Variants in NAALADL2 observed in about 807,000 individuals in gnomAD.
NAALADL2 encodes inactive N-acetylated-alpha-linked acidic dipeptidase-like protein 2.
Under a neutral mutation model 87.2 loss-of-function variants are expected in NAALADL2, and 76 were observed. The ratio of observed to expected loss-of-function variants is 0.87; its 90% CI spans 0.72 to 1.05. The LOEUF is 1.05. Ranked by LOEUF, NAALADL2 falls within the 50% of genes least tolerant of loss-of-function variation. NAALADL2 has a pLI of 0.00. For missense variants in NAALADL2, 1,089 were observed against 945.8 expected (o/e 1.15, Z -1.99); for synonymous variants, 354 against 331.0 (o/e 1.07, Z -0.75).
At chr3:174,733,016 A>C (rs1732848413) in intron 2 of NAALADL2, among the ~76,000 whole-genome samples, 1 of 152,220 alleles carries the variant, frequency 6.6e-6, no homozygotes, top group Admixed American at 6.5e-5. Context: ...TATACCATTT[A>C]AAAGTCTATG....
intron 5 of NAALADL2, among the ~76,000 whole-genome samples, chr3:175,376,960 T>G (rs1233708200): frequency 6.6e-6 from 1 of 152,060 alleles, no homozygotes; most frequent in Non-Finnish European, 1.5e-5. Flanking sequence ...GAGGTTCATT[T>G]GATATTGTTA....
At chr3:175,335,114 C>T (rs977569634) in intron 5 of NAALADL2, among the ~76,000 whole-genome samples, 1 of 152,188 alleles carries the variant, frequency 6.6e-6, no homozygotes, top group Non-Finnish European at 1.5e-5. Context: ...CTGGACAAAA[C>T]CTCACCACGT....
intron 2 of NAALADL2, among the ~76,000 whole-genome samples, chr3:174,609,210 T>C (rs1201058866): frequency 6.6e-6 from 1 of 152,114 alleles, no homozygotes; most frequent in Non-Finnish European, 1.5e-5. Context: ...CAATATCATA[T>C]TGAATGGGCA....
rs1726199434 is a variant in NAALADL2 at position 174,859,454 on chromosome 3, A to G, written c.43+4A>G. 1 of 1,607,946 alleles carries G rather than the reference A, an allele frequency of 6.2e-7. No homozygotes were observed. Among genetic ancestry groups the G allele is most frequent in the African/African-American group, 1.3e-5 (1 of 74,812 alleles). On this transcript the variant is annotated splice_donor_region_variant and intron_variant, in intron 1 of 13. Transcript: ENST00000454872. ...TTACCTAACACGTCTTTGCAAGGTA[A>G]GTACCAACAGCCTATGAACTTTTCA...
At chr3:175,175,449 C>T (rs1735566463) in intron 2 of NAALADL2, among the ~76,000 whole-genome samples, 1 of 151,990 alleles carries the variant, frequency 6.6e-6, no homozygotes, top group African/African-American at 2.4e-5. Context: ...TACATTTTAA[C>T]TACTTTGCTC....
At chr3:175,507,417 G>A (rs2216509) in intron 9 of NAALADL2, among the ~76,000 whole-genome samples, 5 of 151,940 alleles carry the variant, frequency 3.3e-5, no homozygotes, top group Non-Finnish European at 7.4e-5. Context: ...TTGATTATTA[G>A]GCATTATTAA....
rs367717794 is a variant in NAALADL2, at chr3:174,906,697, C to T, written c.43+47247C>T. ...ACCACAGCTTCCAACAATTCCCCAA[C>T]TGCAACTTCATGAGAAACCTTGATC... is the stretch of plus-strand genomic sequence containing the variant. On this transcript the variant is annotated intron_variant, in intron 1 of 13. Transcript: ENST00000454872. 1.5e-3 allele frequency among the ~76,000 whole-genome samples: 227 copies of T among 152,228 alleles called. 2 individuals are homozygous for T. Among genetic ancestry groups the T allele is most frequent in the African/African-American group, 5.2e-3 (215 of 41,526 alleles).
intron 11 of NAALADL2, among the ~76,000 whole-genome samples, chr3:175,693,385 G>A (rs1737298815): frequency 6.6e-6 from 1 of 152,122 alleles, no homozygotes; most frequent in Admixed American, 6.5e-5. Context: ...TACACAAGCT[G>A]GAGTAACCCA....
intron 1 of NAALADL2, among the ~76,000 whole-genome samples, chr3:174,512,427 C>T (rs1296175250): frequency 6.6e-6 from 1 of 152,072 alleles, no homozygotes; most frequent in Non-Finnish European, 1.5e-5. Context: ...TTGGGTGTCT[C>T]TTCATTATAA....
At chr3:174,762,901 AT>A (rs1382121835) in intron 3 of NAALADL2, among the ~76,000 whole-genome samples, 1 of 152,250 alleles carries the variant, frequency 6.6e-6, no homozygotes, top group African/African-American at 2.4e-5. Context: ...CTTCTTAATA[AT>A]TGAAATGTAT....
intron 5 of NAALADL2, among the ~76,000 whole-genome samples, chr3:175,360,826 A>ATG (rs1553873565): frequency 0.13 from 8,607 of 66,618 alleles, 277 homozygotes; most frequent in South Asian, 0.21. Flanking sequence ...GTGTGTGTGT[A>ATG]TGTGTGTGTG....
chr3:174,695,813 C>T (rs139554260), intron 2 of NAALADL2, among the ~76,000 whole-genome samples: 199 of 152,046 alleles, frequency 1.3e-3, no homozygotes, highest in African/African-American at 4.5e-3. Flanking sequence ...TCAGGTTTTT[C>T]AGGGTGAAAA....
At chr3:175,435,499 A>G (rs1052662068) in intron 5 of NAALADL2, among the ~76,000 whole-genome samples, 5 of 152,092 alleles carry the variant, frequency 3.3e-5, no homozygotes, top group African/African-American at 1.2e-4. Flanking sequence ...ACTACACATT[A>G]ATCAAAACAT....
intron 1 of NAALADL2, among the ~76,000 whole-genome samples, chr3:174,527,593 G>A (rs1000173263): frequency 2.0e-5 from 3 of 151,620 alleles, no homozygotes; most frequent in Admixed American, 6.6e-5. Flanking sequence ...CAAATTTGAT[G>A]TCTAGACTTT....
intron 1 of NAALADL2, among the ~76,000 whole-genome samples, chr3:174,529,304 G>T (rs1262729802): frequency 1.3e-5 from 2 of 152,218 alleles, no homozygotes; most frequent in Non-Finnish European, 2.9e-5. Flanking sequence ...AGGTTGCACT[G>T]ATGCAAGAGG....
intron 13 of NAALADL2, among the ~76,000 whole-genome samples, chr3:175,761,528 T>C (rs983936431): frequency 1.3e-5 from 2 of 152,210 alleles, no homozygotes; most frequent in Admixed American, 6.5e-5. Flanking sequence ...AAGTGTGCAA[T>C]TGCTGGATAA....
At chr3:175,062,665 G>A (rs561232708) in intron 1 of NAALADL2, among the ~76,000 whole-genome samples, 2 of 152,100 alleles carry the variant, frequency 1.3e-5, no homozygotes, top group South Asian at 2.1e-4. Flanking sequence ...TCTCTATAAC[G>A]GGGCTAATTT....
At chr3:174,788,556 T>A (rs1681489830) in intron 3 of NAALADL2, among the ~76,000 whole-genome samples, 1 of 152,108 alleles carries the variant, frequency 6.6e-6, no homozygotes. Context: ...TCCTAATCTC[T>A]TGTAAGAACA....
chr3:174,806,616 C>CA (rs1560242729), intron 3 of NAALADL2, among the ~76,000 whole-genome samples: 1 of 152,146 alleles, frequency 6.6e-6, no homozygotes, highest in African/African-American at 2.4e-5. Flanking sequence ...GACAGCAAAA[C>CA]AGAGATTTGT....
Sources: gnomAD v4.1 joint callset for allele counts (sites outside exome capture counted in the v4.1 genomes callset) on GRCh38, gnomAD v4.1.1 for gene constraint, MANE v1.5 for transcripts, NCBI Gene and HGNC (gene_info 2026-07-23, HGNC 2026-07-21) for gene names.